Variants in TM9SF2 observed in about 807,000 individuals in gnomAD.
TM9SF2 encodes the protein transmembrane 9 superfamily member 2, also known as 76 kDa membrane protein.
Under a neutral mutation model 84.9 loss-of-function variants are expected in TM9SF2, and 13 were observed. The ratio of observed to expected loss-of-function variants is 0.15; its 90% CI spans 0.10 to 0.24. The LOEUF (loss-of-function observed/expected upper bound fraction) is 0.24, where lower values mean the gene tolerates loss of function less well. TM9SF2 is among the 10% of genes least tolerant of loss of function. The pLI is 1.00. For missense variants in TM9SF2, 562 were observed against 818.5 expected, an observed-to-expected ratio of 0.69 and a Z score of 3.82; for synonymous variants, 273 against 285.8, an observed-to-expected ratio of 0.96 and a Z score of 0.45.
chr13:99,528,950 CT>C lies in TM9SF2; in HGVS notation c.334-515del, dbSNP rs1272626679. On this transcript the variant is annotated intron_variant, in intron 3 of 16. Transcript: ENST00000376387. ...GGTTGTATAGCTGGTAAATTTCAGC[CT>C]TCTGGAGTCATGTTTAGCCTGATTT... 2.4e-4 allele frequency among the ~76,000 whole-genome samples: 37 copies of C among 152,270 alleles called. 1 individual carries two copies. Among genetic ancestry groups the C allele is most frequent in the Middle Eastern group, 6.8e-3 (2 of 294 alleles).
chr13:99,529,720 C>T (rs1377355517), intron 4 of TM9SF2, 126 bp downstream of exon 4: 1 of 1,056,994 alleles, frequency 9.5e-7, no homozygotes, highest in Non-Finnish European at 1.3e-6. Context: ...TTTTTTGTTA[C>T]TAGTGGTCGT....
intron 15 of TM9SF2, among the ~76,000 whole-genome samples, chr13:99,559,077 A>T (rs1415471792): frequency 6.6e-6 from 1 of 152,200 alleles, no homozygotes; most frequent in Non-Finnish European, 1.5e-5. Context: ...GGAAGAATAA[A>T]TTTTGAAATA....
Position 99,543,912 on chromosome 13 carries a change from T to G in TM9SF2, c.1067T>G (p.Phe356Cys). Residue 356 changes from phenylalanine to cysteine, a missense_variant, in exon 10 of 17, where the codon TTC becomes TGC. Transcript: ENST00000376387. ...FGWKLVHGDI[F>C]RPPRKGMLLS... ...TGGAAACTTGTTCATGGTGATATAT[T>G]CCGTCCTCCAAGAAAAGGGATGCTG... 1 of 1,614,198 alleles carries G rather than the reference T, an allele frequency of 6.2e-7. No homozygotes were observed. Among genetic ancestry groups the G allele is most frequent in the Non-Finnish European group, 8.5e-7 (1 of 1,180,032 alleles).
intron 4 of TM9SF2, among the ~76,000 whole-genome samples, chr13:99,533,082 A>T (rs906583209): frequency 6.6e-6 from 1 of 152,216 alleles, no homozygotes; most frequent in African/African-American, 2.4e-5. Context: ...AAGCATAGAC[A>T]GTAGAGTTGA....
intron 15 of TM9SF2, 148 bp from the exon 16 acceptor site, chr13:99,559,215 G>A: frequency 1.6e-6 from 1 of 622,126 alleles, no homozygotes; most frequent in Non-Finnish European, 2.5e-6. Context: ...TGGAATGGGT[G>A]AAGTTCAATA....
At chr13:99,547,811 C>T (rs1264795568) in intron 11 of TM9SF2, among the ~76,000 whole-genome samples, 1 of 152,120 alleles carries the variant, frequency 6.6e-6, no homozygotes, top group East Asian at 1.9e-4. Flanking sequence ...TACAGTGATT[C>T]CCCACGGTCT....
chr13:99,504,895 G>C (rs930141737), intron 1 of TM9SF2, among the ~76,000 whole-genome samples: 1 of 152,058 alleles, frequency 6.6e-6, no homozygotes, highest in Non-Finnish European at 1.5e-5. Flanking sequence ...ATTCTTACTT[G>C]TAGGGCCTTT....
intron 16 of TM9SF2, among the ~76,000 whole-genome samples, chr13:99,561,891 T>C (rs1442721203): frequency 6.6e-6 from 1 of 152,224 alleles, no homozygotes; most frequent in Non-Finnish European, 1.5e-5. Context: ...CTTAACCCCT[T>C]TGAACCTCAT....
intron 1 of TM9SF2, among the ~76,000 whole-genome samples, chr13:99,510,568 A>G (rs758360457): frequency 3.3e-5 from 5 of 152,130 alleles, no homozygotes; most frequent in African/African-American, 7.2e-5. Flanking sequence ...GGCGTGTCAT[A>G]TGGTTACACA....
At chr13:99,536,804 T>G in intron 5 of TM9SF2, 67 bp downstream of exon 5, 1 of 1,562,234 alleles carries the variant, frequency 6.4e-7, no homozygotes, top group East Asian at 2.3e-5. Flanking sequence ...AGTCTTTACC[T>G]GGACAAAAAT....
chr13:99,523,013 A>G (rs1194265218), intron 3 of TM9SF2, among the ~76,000 whole-genome samples: 1 of 152,174 alleles, frequency 6.6e-6, no homozygotes, highest in African/African-American at 2.4e-5. Context: ...TTCAGGATCC[A>G]TATCTGTACT....
intron 6 of TM9SF2, among the ~76,000 whole-genome samples, chr13:99,538,909 CAA>C (rs201144798): frequency 0.01 from 1,573 of 150,154 alleles, 28 homozygotes; most frequent in African/African-American, 0.037. Context: ...AAAAACAAAA[CAA>C]AAAACAAAAA....
At chr13:99,541,451 G>A in intron 8 of TM9SF2, 108 bp from the exon 9 acceptor site, 2 of 722,328 alleles carry the variant, frequency 2.8e-6, no homozygotes, top group South Asian at 4.0e-5. Context: ...CTTTCATTTT[G>A]ATTTTGATCA....
intron 4 of TM9SF2, among the ~76,000 whole-genome samples, chr13:99,531,852 T>C (rs2046211440): frequency 6.6e-6 from 1 of 152,210 alleles, no homozygotes; most frequent in African/African-American, 2.4e-5. Context: ...TGCATATCAA[T>C]TGCATATCAA....
chr13:99,501,997 G>T (rs921283719), intron 1 of TM9SF2, among the ~76,000 whole-genome samples: 3 of 152,318 alleles, frequency 2.0e-5, no homozygotes, highest in East Asian at 1.9e-4. Context: ...CCTCAGACTC[G>T]CCTCCCGTCT....
chr13:99,521,772 T>C (rs4772215), intron 3 of TM9SF2, among the ~76,000 whole-genome samples: 26,403 of 152,016 alleles, frequency 0.17, 2,493 homozygotes, highest in Non-Finnish European at 0.2. Flanking sequence ...CGTGGCACAA[T>C]CATAGGTTAC....
chr13:99,512,632 A>G (rs926690464), intron 1 of TM9SF2, among the ~76,000 whole-genome samples: 1 of 152,266 alleles, frequency 6.6e-6, no homozygotes, highest in Non-Finnish European at 1.5e-5. Context: ...TATAAACAGA[A>G]GATTAACATG....
intron 3 of TM9SF2, among the ~76,000 whole-genome samples, chr13:99,524,116 T>A (rs2046171834): frequency 6.6e-6 from 1 of 152,164 alleles, no homozygotes; most frequent in Non-Finnish European, 1.5e-5. Context: ...CTGTGAGGAT[T>A]GGCCTTTACA....
At chr13:99,525,033 A>G (rs2046176226) in intron 3 of TM9SF2, among the ~76,000 whole-genome samples, 2 of 152,086 alleles carry the variant, frequency 1.3e-5, no homozygotes, top group South Asian at 4.2e-4. Flanking sequence ...GTCAGGTGAG[A>G]TAAGGACAGA....
Sources: gnomAD v4.1 joint callset for allele counts (sites outside exome capture counted in the v4.1 genomes callset) on GRCh38, gnomAD v4.1.1 for gene constraint, MANE v1.5 for transcripts, NCBI Gene and HGNC (gene_info 2026-07-23, HGNC 2026-07-21) for gene names.